The following NTRK2 variants were observed in gnomAD, a reference collection of about 807,000 sequenced individuals.
The protein encoded by NTRK2 is BDNF/NT-3 growth factors receptor.
Under a neutral mutation model 94.5 loss-of-function variants are expected in NTRK2, and 13 were observed. The observed-to-expected ratio is 0.14, with a 90% CI of 0.09 to 0.22. NTRK2 has a LOEUF of 0.22. Ranked by LOEUF, NTRK2 falls within the 10% of genes least tolerant of loss-of-function variation. The pLI, the probability that NTRK2 is intolerant of heterozygous loss-of-function variation, is 1.00. For missense variants in NTRK2, 639 were observed against 1,071.2 expected (o/e 0.60, Z 5.63); for synonymous variants, 372 against 407.4 (o/e 0.91, Z 1.05).
chr9:84,727,516 G>T lies in NTRK2; in HGVS notation c.854-138G>T, dbSNP rs992262052. On this transcript the variant is annotated intron_variant, in intron 8 of 18. Transcript: ENST00000277120. ...CTGATGATGATACAAAATACTGATG[G>T]ATTCCAGAGTTTCTGATGATGTGTT... 4.9e-6 allele frequency: 4 copies of T among 815,736 alleles called. No homozygotes were observed. The African/African-American group carries it at 5.1e-5, about 10-fold the overall frequency. The allele number at this position is 815,736 out of a possible 1,614,324, so 50.5% of individuals were successfully genotyped here.
rs2117944937 is a variant in NTRK2 at position 85,020,339 on chromosome 9, C to A, written c.2306C>A (p.Pro769His). 1 of 1,614,064 alleles carries A rather than the reference C, an allele frequency of 6.2e-7. No homozygotes were observed. Residue 769 changes from proline to histidine, a missense_variant, in exon 18 of 19, where the codon CCC becomes CAC. Coordinates refer to ENST00000277120, the MANE Select transcript of NTRK2 (RefSeq NM_006180.6). ...GAGATTTTCACCTATGGCAAACAGCCCTGGTACCAGCTGTCAAACAATGAG... is the reference window on the plus strand; with the variant it reads ...GAGATTTTCACCTATGGCAAACAGCACTGGTACCAGCTGTCAAACAATGAG... Reference protein sequence around the residue: ...LWEIFTYGKQPWYQLSNNEVI... With the variant: ...LWEIFTYGKQHWYQLSNNEVI...
chr9:84,763,275 T>TAA (rs2065748518), intron 12 of NTRK2, among the ~76,000 whole-genome samples: 1 of 152,156 alleles, frequency 6.6e-6, no homozygotes, highest in East Asian at 1.9e-4. Flanking sequence ...GTCAGGGCTC[T>TAA]GTGTTTCCTT....
At chr9:84,801,081 C>T (rs930341186) in intron 12 of NTRK2, among the ~76,000 whole-genome samples, 16 of 152,150 alleles carry the variant, frequency 1.1e-4, no homozygotes, top group South Asian at 8.3e-4. Context: ...GTTCACTGCT[C>T]GTGCCTGCGA....
At chr9:84,673,588 T>G (rs1296677380) in intron 2 of NTRK2, among the ~76,000 whole-genome samples, 1 of 152,218 alleles carries the variant, frequency 6.6e-6, no homozygotes, top group African/African-American at 2.4e-5. Flanking sequence ...GGTGTATCTT[T>G]TAGCATCTAT....
intron 14 of NTRK2, among the ~76,000 whole-genome samples, chr9:84,886,857 G>A (rs992529433): frequency 6.6e-6 from 1 of 152,200 alleles, no homozygotes; most frequent in Admixed American, 6.5e-5. Flanking sequence ...GGAAGCAGAT[G>A]TCTCTTGGGT....
chr9:84,749,413 G>A (rs2064385896), intron 11 of NTRK2, among the ~76,000 whole-genome samples: 1 of 152,256 alleles, frequency 6.6e-6, no homozygotes, highest in East Asian at 1.9e-4. Flanking sequence ...GAAAGATGGT[G>A]TCCTGGGAGA....
intron 12 of NTRK2, among the ~76,000 whole-genome samples, chr9:84,853,283 A>G (rs1269821685): frequency 6.6e-6 from 1 of 152,200 alleles, no homozygotes; most frequent in Non-Finnish European, 1.5e-5. Flanking sequence ...TGGAGTAGGA[A>G]ACAGAGTCCA....
chr9:84,986,194 G>C (rs1035795119), intron 17 of NTRK2, among the ~76,000 whole-genome samples: 1 of 151,908 alleles, frequency 6.6e-6, no homozygotes, highest in Non-Finnish European at 1.5e-5. Flanking sequence ...CAACACTCCC[G>C]CTGCCCCCCG....
intron 9 of NTRK2, among the ~76,000 whole-genome samples, chr9:84,732,724 AG>A (rs2062976241): frequency 6.6e-6 from 1 of 151,822 alleles, no homozygotes; most frequent in African/African-American, 2.4e-5. Flanking sequence ...CCCAGGTGAA[AG>A]GGGGTGGAGA....
intron 12 of NTRK2, among the ~76,000 whole-genome samples, chr9:84,797,961 A>G (rs775410404): frequency 9.7e-5 from 14 of 144,830 alleles, no homozygotes; most frequent in South Asian, 2.1e-4. Context: ...AAAATGTAGC[A>G]GTAGTGTGTT....
At chr9:84,962,585 G>A (rs1425906506) in intron 17 of NTRK2, among the ~76,000 whole-genome samples, 1 of 152,114 alleles carries the variant, frequency 6.6e-6, no homozygotes, top group Non-Finnish European at 1.5e-5. Flanking sequence ...TATGCTTCCA[G>A]GTGCACTGGG....
chr9:84,738,637 G>A (rs1464377251), intron 9 of NTRK2, among the ~76,000 whole-genome samples: 1 of 152,218 alleles, frequency 6.6e-6, no homozygotes, highest in Non-Finnish European at 1.5e-5. Context: ...GGGGTCAGCT[G>A]TAGTAATGTG....
chr9:84,731,852 A>G (rs1219581952), intron 9 of NTRK2, among the ~76,000 whole-genome samples: 2 of 152,108 alleles, frequency 1.3e-5, no homozygotes, highest in Non-Finnish European at 2.9e-5. Flanking sequence ...GGCCTTGCAG[A>G]CTCTGCCATT....
chr9:84,735,678 C>G (rs772717807), intron 9 of NTRK2, among the ~76,000 whole-genome samples: 6 of 152,200 alleles, frequency 3.9e-5, no homozygotes, highest in Admixed American at 6.5e-5. Context: ...GTTGCAGGCA[C>G]GTACACACAC....
At chr9:84,735,341 G>A (rs980803168) in intron 9 of NTRK2, among the ~76,000 whole-genome samples, 1 of 152,174 alleles carries the variant, frequency 6.6e-6, no homozygotes, top group Non-Finnish European at 1.5e-5. Context: ...TTAAAATGAA[G>A]ATTATGATTC....
chr9:84,810,508 G>T, intron 12 of NTRK2: 1 of 1,591,706 alleles, frequency 6.3e-7, no homozygotes, highest in Non-Finnish European at 8.6e-7. Context: ...TTTCTTTTGA[G>T]CATGACTTAT....
chr9:84,774,524 G>A (rs529239245), intron 12 of NTRK2, among the ~76,000 whole-genome samples: 1 of 152,324 alleles, frequency 6.6e-6, no homozygotes, highest in African/African-American at 2.4e-5. Flanking sequence ...GCTGTTCCAG[G>A]TGGTACTGAT....
At chr9:84,944,663 G>A (rs1588008080) in intron 15 of NTRK2, among the ~76,000 whole-genome samples, 2 of 152,344 alleles carry the variant, frequency 1.3e-5, no homozygotes, top group East Asian at 3.9e-4. Flanking sequence ...TGTGTGTGCA[G>A]TATGACACTT....
chr9:85,004,902 A>G (rs920875267), intron 17 of NTRK2, among the ~76,000 whole-genome samples: 1 of 152,190 alleles, frequency 6.6e-6, no homozygotes, highest in African/African-American at 2.4e-5. Flanking sequence ...TGACTGAGAG[A>G]AGCATGCAGA....
Sources: allele counts gnomAD v4.1 joint callset (sites outside exome capture counted in the v4.1 genomes callset), GRCh38; gene constraint gnomAD v4.1.1; transcripts MANE v1.5; gene names NCBI Gene and HGNC (gene_info 2026-07-23, HGNC 2026-07-21).